PEAK1: variants seen among roughly 807,000 people sequenced by gnomAD.
PEAK1 encodes inactive tyrosine-protein kinase PEAK1.
In PEAK1, 54 loss-of-function variants were observed where a neutral mutation model predicts 124.7. The ratio of observed to expected loss-of-function variants is 0.43; its 90% CI spans 0.35 to 0.54. The LOEUF (loss-of-function observed/expected upper bound fraction) is 0.54, where lower values mean the gene tolerates loss of function less well. PEAK1 is among the 20% of genes least tolerant of loss of function. The pLI is 0.01. For synonymous variants in PEAK1, 719 were observed against 760.0 expected (o/e 0.95, Z 0.89); for missense variants, 2,046 against 2,134.5 (o/e 0.96, Z 0.82).
At chr15:77,332,080 C>T (rs1254961768) in intron 2 of PEAK1, 4 of 581,800 alleles carry the variant, frequency 6.9e-6, no homozygotes, top group Non-Finnish European at 8.6e-6. Context: ...ACTAAAAATA[C>T]GCCACTGCAT....
intron 6 of PEAK1, among the ~76,000 whole-genome samples, chr15:77,200,692 T>G (rs2058321663): frequency 6.6e-6 from 1 of 152,192 alleles, no homozygotes; most frequent in Admixed American, 6.5e-5. Flanking sequence ...TGTTTATTTA[T>G]TTTGAAAATC....
chr15:77,352,251 T>G (rs1567296044), intron 2 of PEAK1: 1 of 985,256 alleles, frequency 1.0e-6, no homozygotes, highest in Non-Finnish European at 1.2e-6. Flanking sequence ...ATCAAGGCAG[T>G]AGGATTTGGT....
intron 1 of PEAK1, chr15:77,381,518 C>A: frequency 5.3e-6 from 5 of 938,102 alleles, no homozygotes; most frequent in Non-Finnish European, 6.4e-6. Flanking sequence ...CAAACTTTAT[C>A]TTTTCCATTA....
At chr15:77,225,220 C>G (rs1005038575) in intron 6 of PEAK1, among the ~76,000 whole-genome samples, 6 of 151,958 alleles carry the variant, frequency 3.9e-5, no homozygotes, top group African/African-American at 1.4e-4. Flanking sequence ...AATCTCATTT[C>G]AGAGTTTAGG....
At chr15:77,307,155 T>C (rs2064151333) in intron 2 of PEAK1, among the ~76,000 whole-genome samples, 1 of 152,118 alleles carries the variant, frequency 6.6e-6, no homozygotes, top group African/African-American at 2.4e-5. Flanking sequence ...CAACTAGAGA[T>C]TCAGGACAGA....
intron 2 of PEAK1, chr15:77,349,692 C>G (rs989662034): frequency 2.9e-5 from 29 of 984,920 alleles, no homozygotes; most frequent in Non-Finnish European, 3.4e-5. Context: ...GTCCTTTCTT[C>G]ACGTAGGATT....
intron 2 of PEAK1, among the ~76,000 whole-genome samples, chr15:77,360,958 G>A (rs2141562754): frequency 6.6e-6 from 1 of 152,116 alleles, no homozygotes; most frequent in Non-Finnish European, 1.5e-5. Flanking sequence ...CAGGACACTG[G>A]TCTGGGAAAA....
intron 8 of PEAK1, among the ~76,000 whole-genome samples, chr15:77,148,033 T>C (rs533409303): frequency 1.3e-5 from 2 of 152,356 alleles, no homozygotes; most frequent in South Asian, 4.1e-4. Context: ...CTGTATTGAA[T>C]AATAATTCAG....
At chr15:77,205,275 T>TAAA (rs374955010) in intron 6 of PEAK1, among the ~76,000 whole-genome samples, 1 of 143,444 alleles carries the variant, frequency 7.0e-6, no homozygotes, top group South Asian at 2.2e-4. Flanking sequence ...TGCCTTTTTT[T>TAAA]AAAAAAAAAA....
intron 2 of PEAK1, among the ~76,000 whole-genome samples, chr15:77,364,328 C>T (rs1396663592): frequency 6.6e-6 from 1 of 152,074 alleles, no homozygotes; most frequent in East Asian, 1.9e-4. Context: ...AATTATTTCT[C>T]AGTAAAGATA....
intron 6 of PEAK1, among the ~76,000 whole-genome samples, chr15:77,220,494 C>A (rs2059338138): frequency 7.3e-6 from 1 of 137,520 alleles, no homozygotes. Flanking sequence ...TACAATAGCT[C>A]ACTACAATTC....
chr15:77,208,674 G>GA (rs1388620323), intron 6 of PEAK1, among the ~76,000 whole-genome samples: 3 of 152,000 alleles, frequency 2.0e-5, no homozygotes, highest in Admixed American at 6.6e-5. Context: ...CTAGGAAAAT[G>GA]AAACAAAAAA....
intron 8 of PEAK1, among the ~76,000 whole-genome samples, chr15:77,145,119 C>A (rs2152760124): frequency 6.6e-6 from 1 of 152,292 alleles, no homozygotes; most frequent in African/African-American, 2.4e-5. Context: ...TTTTTCTGAG[C>A]TTCCATAATC....
At chr15:77,371,839 G>A (rs762836383) in intron 1 of PEAK1, among the ~76,000 whole-genome samples, 21 of 152,314 alleles carry the variant, frequency 1.4e-4, no homozygotes, top group African/African-American at 4.8e-4. Flanking sequence ...ACCTGAGATC[G>A]CGCCACTGCG....
intron 6 of PEAK1, among the ~76,000 whole-genome samples, chr15:77,185,084 G>A (rs917109249): frequency 6.6e-6 from 1 of 152,230 alleles, no homozygotes; most frequent in Non-Finnish European, 1.5e-5. Context: ...TGGTGTCAGG[G>A]AAGGCAGAGA....
intron 1 of PEAK1, chr15:77,402,702 A>G (rs2071477502): frequency 1.0e-6 from 1 of 985,246 alleles, no homozygotes; most frequent in Non-Finnish European, 1.2e-6. Context: ...CACTGATAAT[A>G]TTCAACTGCT....
intron 5 of PEAK1, among the ~76,000 whole-genome samples, chr15:77,266,103 G>C (rs959229720): frequency 6.6e-6 from 1 of 152,054 alleles, no homozygotes; most frequent in African/African-American, 2.4e-5. Context: ...GGACTGTTGT[G>C]GGGTGGGGAG....
intron 2 of PEAK1, among the ~76,000 whole-genome samples, chr15:77,313,800 T>G (rs2064690215): frequency 6.6e-6 from 1 of 150,966 alleles, no homozygotes; most frequent in South Asian, 2.1e-4. Context: ...CAGGCTGGTC[T>G]CGAACTCCTG....
intron 2 of PEAK1, among the ~76,000 whole-genome samples, chr15:77,316,089 G>T (rs2064852423): frequency 6.6e-6 from 1 of 152,004 alleles, no homozygotes. Flanking sequence ...ATCTAAAACT[G>T]CTCTTAAAAA....
Sources: allele counts gnomAD v4.1 joint callset (sites outside exome capture counted in the v4.1 genomes callset), GRCh38; gene constraint gnomAD v4.1.1; transcripts MANE v1.5; gene names NCBI Gene and HGNC (gene_info 2026-07-23, HGNC 2026-07-21).